PDGFC: variants seen among roughly 807,000 people sequenced by gnomAD.
PDGFC encodes platelet derived growth factor C.
In PDGFC, 12 loss-of-function variants were observed where a neutral mutation model predicts 35.5. The ratio of observed to expected loss-of-function variants is 0.34; its 90% CI spans 0.22 to 0.55. The LOEUF is 0.55. PDGFC is among the 20% of genes least tolerant of loss of function. The pLI is 0.91. For synonymous variants in PDGFC, 159 were observed against 148.8 expected, an observed-to-expected ratio of 1.07 and a Z score of -0.50; for missense variants, 322 against 412.4, an observed-to-expected ratio of 0.78 and a Z score of 1.90.
At chr4:156,796,493 T>A (rs915013886) in intron 3 of PDGFC, among the ~76,000 whole-genome samples, 2 of 63,452 alleles carry the variant, frequency 3.2e-5, no homozygotes, top group African/African-American at 3.2e-4. Flanking sequence ...CACTTTGTAT[T>A]TTTTTTTTTT....
intron 1 of PDGFC, 123 bp downstream of exon 1, chr4:156,970,663 T>A: frequency 1.4e-6 from 1 of 700,222 alleles, no homozygotes; most frequent in South Asian, 1.7e-5. Context: ...CAGCGCACAT[T>A]TGCATGTAAT....
chr4:156,960,562 A>C (rs550121608), intron 1 of PDGFC, among the ~76,000 whole-genome samples: 14 of 151,888 alleles, frequency 9.2e-5, no homozygotes, highest in Non-Finnish European at 1.6e-4. Context: ...TCAATAATAA[A>C]ATGCATAGTT....
chr4:156,945,374 T>C (rs554113742), intron 1 of PDGFC, among the ~76,000 whole-genome samples: 9 of 119,306 alleles, frequency 7.5e-5, no homozygotes, highest in South Asian at 2.8e-4. Context: ...TATATATATA[T>C]ATATATATAT....
intron 1 of PDGFC, among the ~76,000 whole-genome samples, chr4:156,880,670 A>T (rs1730220461): frequency 6.6e-6 from 1 of 152,206 alleles, no homozygotes; most frequent in Admixed American, 6.5e-5. Flanking sequence ...CCTCAGATGG[A>T]TCTCAAAAGT....
intron 1 of PDGFC, among the ~76,000 whole-genome samples, chr4:156,922,785 G>A (rs1731317281): frequency 6.6e-6 from 1 of 152,128 alleles, no homozygotes. Flanking sequence ...GATCGAGGAA[G>A]CAGAGGAGTG....
At chr4:156,950,663 T>C (rs765433152) in intron 1 of PDGFC, among the ~76,000 whole-genome samples, 88 of 151,790 alleles carry the variant, frequency 5.8e-4, no homozygotes, top group Admixed American at 1.7e-3. Context: ...AGAAGAAAAG[T>C]TCTTTTTTTT....
chr4:156,935,785 T>C (rs572703653), intron 1 of PDGFC, among the ~76,000 whole-genome samples: 2 of 152,312 alleles, frequency 1.3e-5, no homozygotes, highest in Non-Finnish European at 2.9e-5. Flanking sequence ...AATTTAGTGT[T>C]TGCAATGGCT....
At chr4:156,817,494 A>C (rs1732119621) in intron 2 of PDGFC, among the ~76,000 whole-genome samples, 1 of 152,212 alleles carries the variant, frequency 6.6e-6, no homozygotes, top group Admixed American at 6.5e-5. Context: ...AAGTATCAAT[A>C]TTTACTGGAA....
rs1050868132 is a variant in PDGFC at position 156,760,863 on chromosome 4, T to C, written c.*2227A>G. 1 of 152,176 alleles carries C rather than the reference T, an allele frequency of 6.6e-6. No homozygotes were observed. Among genetic ancestry groups the C allele is most frequent in the Non-Finnish European group, 1.5e-5 (1 of 68,032 alleles). The allele number at this position is 152,176 out of a possible 1,614,324, so 9.4% of individuals were successfully genotyped here. The stretch of plus-strand genomic sequence containing the variant: ...AAACACAGTTAAACAGGCTATTTAC[T>C]AAGACTTAGTAGTCTTTACTATACT... On this transcript the variant is annotated 3_prime_UTR_variant, in exon 6 of 6. Coordinates refer to ENST00000502773, the MANE Select transcript of PDGFC (RefSeq NM_016205.3).
chr4:156,814,381 A>C (rs775058717), intron 2 of PDGFC, among the ~76,000 whole-genome samples: 1 of 152,166 alleles, frequency 6.6e-6, no homozygotes, highest in Non-Finnish European at 1.5e-5. Context: ...CTGTGAGGGA[A>C]GGTGCAGACG....
At chr4:156,919,076 T>C (rs1731215387) in intron 1 of PDGFC, among the ~76,000 whole-genome samples, 1 of 152,198 alleles carries the variant, frequency 6.6e-6, no homozygotes, top group African/African-American at 2.4e-5. Flanking sequence ...GTTTACTTCT[T>C]TCCGAATACA....
At chr4:156,859,440 C>A (rs971704730) in intron 1 of PDGFC, among the ~76,000 whole-genome samples, 2 of 152,084 alleles carry the variant, frequency 1.3e-5, no homozygotes, top group African/African-American at 2.4e-5. Context: ...AAAGTGTTTA[C>A]AATTGCATAC....
chr4:156,913,645 C>A (rs531869651), intron 1 of PDGFC, among the ~76,000 whole-genome samples: 2 of 151,362 alleles, frequency 1.3e-5, no homozygotes, highest in Non-Finnish European at 3.0e-5. Flanking sequence ...CCAATAAACA[C>A]CTTATCTTAC....
intron 2 of PDGFC, among the ~76,000 whole-genome samples, chr4:156,837,146 A>T (rs554851089): frequency 6.6e-6 from 1 of 152,362 alleles, no homozygotes; most frequent in East Asian, 1.9e-4. Context: ...TGAGGTTGAG[A>T]CAAGAAAGGC....
intron 3 of PDGFC, among the ~76,000 whole-genome samples, chr4:156,780,437 C>T (rs1209076589): frequency 6.6e-6 from 1 of 152,084 alleles, no homozygotes; most frequent in Non-Finnish European, 1.5e-5. Context: ...AGAAATTTAT[C>T]CTACAGTACA....
chr4:156,838,890 A>G (rs1443621030), intron 2 of PDGFC, among the ~76,000 whole-genome samples: 1 of 152,094 alleles, frequency 6.6e-6, no homozygotes, highest in African/African-American at 2.4e-5. Context: ...AGTCCGGAGG[A>G]GTCAAAGGAA....
chr4:156,865,095 A>G (rs957661126), intron 1 of PDGFC, among the ~76,000 whole-genome samples: 3 of 152,238 alleles, frequency 2.0e-5, no homozygotes, highest in African/African-American at 2.4e-5. Flanking sequence ...CTATGAAATG[A>G]AGGTTAAGAA....
At chr4:156,938,030 C>A (rs1731723776) in intron 1 of PDGFC, among the ~76,000 whole-genome samples, 1 of 151,946 alleles carries the variant, frequency 6.6e-6, no homozygotes, top group South Asian at 2.1e-4. Flanking sequence ...ATCAGGTTGG[C>A]AAAGATTGGG....
At position 156,772,867 on chromosome 4, in the gene PDGFC, TGAAG is replaced by T; in HGVS notation, c.518_521del (p.Pro173GlnfsTer17). 1 of 1,612,616 alleles carries T rather than the reference TGAAG, an allele frequency of 6.2e-7. No homozygotes were observed. Among genetic ancestry groups the T allele is most frequent in the Non-Finnish European group, 8.5e-7 (1 of 1,178,714 alleles). On this transcript the variant is annotated frameshift_variant, in exon 4 of 6. Coordinates refer to ENST00000502773, the MANE Select transcript of PDGFC (RefSeq NM_016205.3). LOFTEE classifies it high-confidence loss of function. ...GTGGCAAAGCTGAAGGGGGTAGCAC[TGAAG>T]GACTCACAGCTTCTGTGAATTGCTG...
Sources: gnomAD v4.1 joint callset for allele counts (sites outside exome capture counted in the v4.1 genomes callset) on GRCh38, gnomAD v4.1.1 for gene constraint, MANE v1.5 for transcripts, NCBI Gene and HGNC (gene_info 2026-07-23, HGNC 2026-07-21) for gene names.